The following NMUR1 variants were observed in gnomAD, a reference collection of about 807,000 sequenced individuals.
NMUR1 encodes neuromedin U receptor 1, also known as neuromedin-U receptor 1.
Under a neutral mutation model 18.8 loss-of-function variants are expected in NMUR1, and 16 were observed. The observed-to-expected ratio is 0.85, with a 90% confidence interval of 0.58 to 1.29. NMUR1 has a LOEUF of 1.29. Among genes scored for constraint, NMUR1 ranks in the 50% most tolerant of loss-of-function variants. NMUR1 has a pLI of 0.00. For missense variants in NMUR1, 529 were observed against 580.3 expected, an observed-to-expected ratio of 0.91 and a Z score of 0.91; for synonymous variants, 258 against 258.2, an observed-to-expected ratio of 1.00 and a Z score of 0.01.
intron 1 of NMUR1, among the ~76,000 whole-genome samples, chr2:231,529,808 A>G (rs10933376): frequency 0.78 from 118,514 of 152,180 alleles, 47,135 homozygotes; most frequent in South Asian, 0.9. Context: ...TCCATTAAAG[A>G]CATTAACACA....
In NMUR1 at chr2:231,525,284, A is replaced by T; in HGVS notation, c.1040T>A (p.Leu347Gln). 5 of 1,614,204 alleles carry T rather than the reference A, an allele frequency of 3.1e-6. No individual in the cohort carries two copies. The highest frequency in any genetic ancestry group is 4.2e-6 in the Non-Finnish European group (5 of 1,180,036). Residue 347 changes from leucine to glutamine, a missense_variant, in exon 3 of 3, where the codon CTG becomes CAG. By Grantham distance (113) the Leu-to-Gln change is moderately radical. Coordinates refer to ENST00000305141, the MANE Select transcript of NMUR1 (RefSeq NM_006056.5). Reference sequence around the variant, plus strand: ...GAGCACGGGGTTGGCCGCCGAGCCCAGGTAGAAGAAGATGCCGGAGATGAC... The same window carrying T: ...GAGCACGGGGTTGGCCGCCGAGCCCTGGTAGAAGAAGATGCCGGAGATGAC... Reference protein sequence around the residue: ...VHVISGIFFYLGSAANPVLYS... With the variant: ...VHVISGIFFYQGSAANPVLYS...
chr2:231,529,242 T>C (rs542247708), intron 1 of NMUR1, among the ~76,000 whole-genome samples: 23 of 152,196 alleles, frequency 1.5e-4, no homozygotes, highest in African/African-American at 5.1e-4. Flanking sequence ...GGCGGATCAC[T>C]TGAGATCAGG....
downstream of NMUR1, among the ~76,000 whole-genome samples, chr2:231,521,973 CTTTTT>C (rs10625236): frequency 2.1e-4 from 18 of 83,848 alleles, no homozygotes; most frequent in African/African-American, 8.7e-4. Flanking sequence ...TTTTTTTTCT[CTTTTT>C]TTTTTTTTTT....
At chr2:231,521,977 T>C (rs199849675), downstream of NMUR1, among the ~76,000 whole-genome samples, 51 of 73,476 alleles carry the variant, frequency 6.9e-4, no homozygotes, top group Non-Finnish European at 8.1e-4. Context: ...TTTTCTCTTT[T>C]TTTTTTTTTT....
chr2:231,520,532 A>G (rs1463592252), downstream of NMUR1, among the ~76,000 whole-genome samples: 1 of 152,240 alleles, frequency 6.6e-6, no homozygotes, highest in Non-Finnish European at 1.5e-5. Context: ...TCACACAATG[A>G]GAGATTCCCC....
downstream of NMUR1, among the ~76,000 whole-genome samples, chr2:231,519,007 T>G (rs34130269): frequency 0.068 from 10,429 of 152,274 alleles, 536 homozygotes; most frequent in Middle Eastern, 0.13. Context: ...CAGGTGCCTC[T>G]CTTCGATGCC....
downstream of NMUR1, among the ~76,000 whole-genome samples, chr2:231,521,104 G>T (rs557517064): frequency 6.6e-6 from 1 of 152,358 alleles, no homozygotes; most frequent in East Asian, 1.9e-4. Context: ...GCCGGATGCA[G>T]TGGCTCCCGC....
downstream of NMUR1, among the ~76,000 whole-genome samples, chr2:231,522,167 A>G (rs1209870559): frequency 2.0e-5 from 3 of 151,654 alleles, no homozygotes; most frequent in Non-Finnish European, 4.4e-5. Flanking sequence ...TGTGTATTGT[A>G]GAGACGGGGG....
intron 2 of NMUR1, among the ~76,000 whole-genome samples, chr2:231,527,371 A>G (rs1304251461): frequency 6.6e-6 from 1 of 152,182 alleles, no homozygotes; most frequent in Non-Finnish European, 1.5e-5. Flanking sequence ...AGCCGGGTGC[A>G]ATGGCTTATG....
chr2:231,520,348 GAC>G (rs779341429), downstream of NMUR1, among the ~76,000 whole-genome samples: 1 of 152,214 alleles, frequency 6.6e-6, no homozygotes, highest in Non-Finnish European at 1.5e-5. Context: ...GCTGCCCCTG[GAC>G]ACGCCTGCCC....
Position 231,525,368 on chromosome 2 carries a change from A to C in NMUR1, c.956T>G (p.Met319Arg). 1.2e-6 allele frequency: 2 copies of C among 1,614,040 alleles called. No individual in the cohort carries two copies. Among genetic ancestry groups the C allele is most frequent in the Non-Finnish European group, 1.7e-6 (2 of 1,179,996 alleles). Residue 319 changes from methionine to arginine, a missense_variant, in exon 3 of 3, where the codon ATG (methionine) becomes AGG (arginine). Met to Arg is a moderately conservative substitution (Grantham distance 91). Coordinates refer to ENST00000305141, the MANE Select transcript of NMUR1 (RefSeq NM_006056.5). ...TGTCCACTGTGACACGACGCTCCAC[A>C]TGACGCGGTCGGCGTGGAACGGGGC... Reference protein sequence around the residue: ...CWAPFHADRVMWSVVSQWTDG... With the variant: ...CWAPFHADRVRWSVVSQWTDG...
Position 231,524,863 on chromosome 2 carries a change from A to G in NMUR1, c.*180T>C. ...TGGCGTCTGGTCAGTGTGAGTCCTCAGCAGTCAGGGATCCCTCCTCCTGCT... is the reference window on the plus strand; with the variant it reads ...TGGCGTCTGGTCAGTGTGAGTCCTCGGCAGTCAGGGATCCCTCCTCCTGCT... On this transcript the variant is annotated 3_prime_UTR_variant, in exon 3 of 3. Transcript: ENST00000305141. 1 of 724,094 alleles carries G rather than the reference A, an allele frequency of 1.4e-6. No homozygotes were observed. Among genetic ancestry groups the G allele is most frequent in the South Asian group, 2.2e-5 (1 of 44,876 alleles). The allele number at this position is 724,094 out of a possible 1,614,324, so 44.9% of individuals were successfully genotyped here. A position where few individuals can be genotyped will look rare whatever the true frequency, so the allele number is the denominator to read the frequency against.
rs563615519 is a variant in NMUR1 at position 231,524,960 on chromosome 2, T to A, written c.*83A>T. On this transcript the variant is annotated 3_prime_UTR_variant, in exon 3 of 3. Transcript: ENST00000305141. ...GAACTAGGGACAGTACGTGAAGGCA[T>A]CCCTGCAGAGGAAGGCAGATGTGTC... 6.2e-5 allele frequency: 92 copies of A among 1,483,522 alleles called. 1 individual carries two copies. In the South Asian group the frequency reaches 1.1e-3, roughly 17 times the overall value. 91.9% of individuals were successfully genotyped at this position (1,483,522 alleles called of 1,614,324 possible).
At chr2:231,520,295 G>A (rs1001344582), downstream of NMUR1, among the ~76,000 whole-genome samples, 2 of 152,180 alleles carry the variant, frequency 1.3e-5, no homozygotes, top group Non-Finnish European at 2.9e-5. Context: ...GAGAAAAAGG[G>A]CGGAACCCAA....
intron 2 of NMUR1, among the ~76,000 whole-genome samples, chr2:231,526,223 G>T (rs1046965793): frequency 6.6e-6 from 1 of 152,160 alleles, no homozygotes; most frequent in South Asian, 2.1e-4. Context: ...TGTGATTTTT[G>T]TTCCTTGTTT....
chr2:231,527,996 A>C, intron 2 of NMUR1, 127 bp downstream of exon 2: 2 of 955,734 alleles, frequency 2.1e-6, no homozygotes, highest in Non-Finnish European at 3.0e-6. Context: ...ACACACACAC[A>C]CACGAGACTA....
chr2:231,522,138 C>T (rs970464923), downstream of NMUR1, among the ~76,000 whole-genome samples: 15 of 152,038 alleles, frequency 9.9e-5, no homozygotes, highest in African/African-American at 3.6e-4. Flanking sequence ...TGCCACCACA[C>T]CTGGCTACTT....
downstream of NMUR1, among the ~76,000 whole-genome samples, chr2:231,521,179 C>T (rs1468057097): frequency 6.6e-6 from 1 of 152,184 alleles, no homozygotes; most frequent in Non-Finnish European, 1.5e-5. Flanking sequence ...AGTTTCAAAC[C>T]AGCCTGGGCA....
chr2:231,522,638 T>C (rs1413018172), downstream of NMUR1, among the ~76,000 whole-genome samples: 5 of 149,420 alleles, frequency 3.3e-5, no homozygotes, highest in Non-Finnish European at 7.4e-5. Context: ...GCCCACTTCT[T>C]AGGAGCTGTC....
Sources: allele counts gnomAD v4.1 joint callset (sites outside exome capture counted in the v4.1 genomes callset), GRCh38; gene constraint gnomAD v4.1.1; transcripts MANE v1.5; gene names NCBI Gene and HGNC (gene_info 2026-07-23, HGNC 2026-07-21).